The following OCA2 variants were observed in gnomAD, a reference collection of about 807,000 sequenced individuals.
The protein encoded by OCA2 is OCA2 melanosomal transmembrane protein.
OCA2 carries 77 observed loss-of-function variants against 100.2 expected under a neutral mutation model. The observed-to-expected ratio is 0.77, with a 90% CI of 0.64 to 0.93. OCA2 has a LOEUF of 0.93. OCA2 is among the 40% of genes least tolerant of loss of function. The pLI is 0.00. For missense variants in OCA2, 1,062 were observed against 1,089.1 expected (o/e 0.98, Z 0.35); for synonymous variants, 432 against 439.2 (o/e 0.98, Z 0.21).
intron 19 of OCA2, among the ~76,000 whole-genome samples, chr15:27,885,627 T>A (rs1302744350): frequency 1.3e-5 from 2 of 152,246 alleles, no homozygotes. Flanking sequence ...GTGAAAATTA[T>A]GATGAATGAC....
chr15:27,798,965 TAAAG>T (rs1292060302), intron 23 of OCA2, among the ~76,000 whole-genome samples: 2 of 152,188 alleles, frequency 1.3e-5, no homozygotes, highest in Non-Finnish European at 1.5e-5. Context: ...GGCTGTTACA[TAAAG>T]AGAGAGACCA....
chr15:27,750,825 T>C (rs35463448), downstream of OCA2, among the ~76,000 whole-genome samples: 16,914 of 152,214 alleles, frequency 0.11, 996 homozygotes, highest in Middle Eastern at 0.16. Flanking sequence ...ATCACAGAGC[T>C]CAAAGCAATG....
At chr15:27,794,253 C>G (rs2033224866) in intron 23 of OCA2, among the ~76,000 whole-genome samples, 3 of 152,094 alleles carry the variant, frequency 2.0e-5, no homozygotes, top group Admixed American at 6.5e-5. Context: ...CACAGGGGCC[C>G]TGGTGTGGGT....
At chr15:28,022,624 A>C in intron 5 of OCA2, 51 bp from the exon 6 acceptor site, 1 of 1,368,430 alleles carries the variant, frequency 7.3e-7, no homozygotes, top group Non-Finnish European at 1.0e-6. Context: ...GAGAGCAGTA[A>C]GGTATAAATC....
Position 27,814,949 on chromosome 15 carries a change from G to GAT in OCA2, c.2432+30009_2432+30010insAT, listed in dbSNP as rs552381050. Among the ~76,000 whole-genome samples, 838 of 127,130 alleles carry GAT rather than the reference G, an allele frequency of 6.6e-3. 7 individuals carry two copies. The highest frequency in any genetic ancestry group is 0.016 in the African/African-American group (535 of 34,474). The allele number at this position is 127,130 out of a possible 152,430, so 83.4% of individuals were successfully genotyped here. On this transcript the variant is annotated intron_variant, in intron 23 of 23. Coordinates refer to ENST00000354638, the MANE Select transcript of OCA2 (RefSeq NM_000275.3). ...ATAGATAGATAGATAGATAGATACA[G>GAT]AGATATATATATATATATCTTCTTT...
At chr15:27,790,381 G>C (rs2033024187) in intron 23 of OCA2, among the ~76,000 whole-genome samples, 1 of 152,212 alleles carries the variant, frequency 6.6e-6, no homozygotes, top group Non-Finnish European at 1.5e-5. Flanking sequence ...TGCTAGGTGA[G>C]AGAAATGAAA....
chr15:27,788,622 T>A (rs1165923129), intron 23 of OCA2, among the ~76,000 whole-genome samples: 1 of 152,118 alleles, frequency 6.6e-6, no homozygotes, highest in African/African-American at 2.4e-5. Context: ...AACCTAAATA[T>A]GTAAACAGAT....
At chr15:27,979,889 G>T (rs11074315) in intron 14 of OCA2, among the ~76,000 whole-genome samples, 126,215 of 130,282 alleles carry the variant, frequency 0.97, 61,075 homozygotes, top group East Asian at 0.99. Flanking sequence ...TTTTTTTTTG[G>T]ATTTCTAGTA....
intron 19 of OCA2, among the ~76,000 whole-genome samples, chr15:27,907,957 T>C (rs1046296662): frequency 1.3e-5 from 2 of 152,164 alleles, no homozygotes; most frequent in African/African-American, 4.8e-5. Flanking sequence ...CACAATTATC[T>C]ATAAATTATT....
intron 9 of OCA2, among the ~76,000 whole-genome samples, chr15:28,009,769 C>T (rs2042190710): frequency 6.6e-6 from 1 of 151,760 alleles, no homozygotes; most frequent in Non-Finnish European, 1.5e-5. Context: ...TGTAAGTTCT[C>T]TAACTATAAA....
chr15:28,035,070 A>G lies in OCA2; in HGVS notation c.228-2907T>C, dbSNP rs376312889. ...AGCAGCACCACATCGCACAATGTGG[A>G]GGATTTACCTTCTTGCCACTAAGAA... On this transcript the variant is annotated intron_variant, in intron 2 of 23. Coordinates refer to ENST00000354638, the MANE Select transcript of OCA2 (RefSeq NM_000275.3). Among the ~76,000 whole-genome samples, 14 of 152,150 alleles carry G rather than the reference A, an allele frequency of 9.2e-5. 1 individual carries two copies. The Middle Eastern group carries it at 0.014, about 148-fold the overall frequency.
At chr15:27,850,026 G>A (rs1156422962) in intron 22 of OCA2, among the ~76,000 whole-genome samples, 1 of 152,004 alleles carries the variant, frequency 6.6e-6, no homozygotes. Flanking sequence ...TGCTTCCAAA[G>A]TGTGCTCAGT....
At chr15:27,818,588 G>A (rs1342123810) in intron 23 of OCA2, among the ~76,000 whole-genome samples, 3 of 152,158 alleles carry the variant, frequency 2.0e-5, no homozygotes, top group Non-Finnish European at 4.4e-5. Flanking sequence ...AGAAGCAGAT[G>A]TTTAAGCAGG....
chr15:27,992,289 C>T (rs1200227502), intron 9 of OCA2, among the ~76,000 whole-genome samples: 5 of 152,124 alleles, frequency 3.3e-5, no homozygotes, highest in Admixed American at 2.6e-4. Flanking sequence ...TTAGTAGAGA[C>T]GGGGTTTCAC....
chr15:27,893,330 A>G (rs1244223008), intron 19 of OCA2, among the ~76,000 whole-genome samples: 1 of 152,162 alleles, frequency 6.6e-6, no homozygotes, highest in Non-Finnish European at 1.5e-5. Context: ...AACTGTACAA[A>G]TTGATTGTAA....
intron 23 of OCA2, among the ~76,000 whole-genome samples, chr15:27,761,878 G>A (rs538233446): frequency 3.9e-5 from 6 of 152,212 alleles, no homozygotes; most frequent in East Asian, 3.9e-4. Context: ...AGTCTGGAGC[G>A]CATTGGCGTC....
chr15:28,012,996 G>A (rs1402533265), intron 9 of OCA2, among the ~76,000 whole-genome samples: 1 of 152,172 alleles, frequency 6.6e-6, no homozygotes, highest in Non-Finnish European at 1.5e-5. Flanking sequence ...GCGGGCAGTG[G>A]GCCCTGGTGG....
At chr15:27,774,640 T>C (rs1309695614) in intron 23 of OCA2, among the ~76,000 whole-genome samples, 1 of 152,206 alleles carries the variant, frequency 6.6e-6, no homozygotes, top group Non-Finnish European at 1.5e-5. Flanking sequence ...GTTGAAGCCC[T>C]AGCCCCCAGG....
chr15:27,794,766 C>T (rs1006287616), intron 23 of OCA2, among the ~76,000 whole-genome samples: 6 of 152,206 alleles, frequency 3.9e-5, no homozygotes, highest in Non-Finnish European at 7.3e-5. Context: ...GGAATGCCTA[C>T]ATCCTTCTCA....
Sources: gnomAD v4.1 joint callset for allele counts (sites outside exome capture counted in the v4.1 genomes callset) on GRCh38, gnomAD v4.1.1 for gene constraint, MANE v1.5 for transcripts, NCBI Gene and HGNC (gene_info 2026-07-23, HGNC 2026-07-21) for gene names.